RYR2: variants seen among roughly 807,000 people sequenced by gnomAD.
The protein encoded by RYR2 is cardiac muscle ryanodine receptor-calcium release channel.
RYR2 carries 227 observed loss-of-function variants against 601.1 expected under a neutral mutation model. The observed-to-expected ratio is 0.38, with a 90% CI of 0.34 to 0.42. The LOEUF (loss-of-function observed/expected upper bound fraction) is 0.42, where lower values mean the gene tolerates loss of function less well. Ranked by LOEUF, RYR2 falls within the 10% of genes least tolerant of loss-of-function variation. The pLI, the probability that RYR2 is intolerant of heterozygous loss-of-function variation, is 1.00. For missense variants in RYR2, 4,646 were observed against 6,156.5 expected (o/e 0.75, Z 8.21); for synonymous variants, 2,223 against 2,175.1 (o/e 1.02, Z -0.61).
chr1:237,788,259 G>A, intron 92 of RYR2, 124 bp downstream of exon 92: 1 of 685,902 alleles, frequency 1.5e-6, no homozygotes, highest in Non-Finnish European at 2.4e-6. Flanking sequence ...TCCAGCACAT[G>A]TTTGATTTGC....
intron 33 of RYR2, among the ~76,000 whole-genome samples, chr1:237,594,885 G>GGGTTTTTTT (rs1675633754): frequency 1.6e-4 from 13 of 79,048 alleles, no homozygotes; most frequent in Admixed American, 1.6e-3. Flanking sequence ...AATATCACTG[G>GGGTTTTTTT]GTTTTTTTTT....
intron 1 of RYR2, among the ~76,000 whole-genome samples, chr1:237,063,213 T>A (rs1663102096): frequency 6.6e-6 from 1 of 152,234 alleles, no homozygotes; most frequent in African/African-American, 2.4e-5. Flanking sequence ...AACCTGGCCA[T>A]GCTGGCTCTC....
chr1:237,212,292 C>A (rs1371431411), intron 1 of RYR2, among the ~76,000 whole-genome samples: 10 of 152,154 alleles, frequency 6.6e-5, no homozygotes, highest in Admixed American at 6.5e-4. Context: ...TGGATATTAG[C>A]AAATCCAGTT....
At chr1:237,700,051 G>A (rs1687828158) in intron 64 of RYR2, among the ~76,000 whole-genome samples, 178 bp from the exon 65 acceptor site, 1 of 152,206 alleles carries the variant, frequency 6.6e-6, no homozygotes. Flanking sequence ...ATAATTTACA[G>A]AGCAGTATTG....
intron 104 of RYR2, 22 bp downstream of exon 104, chr1:237,831,587 ATCT>A (rs1663798113): frequency 7.1e-7 from 1 of 1,399,890 alleles, no homozygotes; most frequent in Admixed American, 1.8e-5. Flanking sequence ...ATTACATGTC[ATCT>A]TCTGAAAGAA....
intron 1 of RYR2, among the ~76,000 whole-genome samples, chr1:237,120,529 C>G (rs576964656): frequency 4.1e-4 from 62 of 152,280 alleles, no homozygotes; most frequent in African/African-American, 1.4e-3. Flanking sequence ...TGTGCAGAGT[C>G]AAGATGGGTA....
intron 25 of RYR2, 70 bp downstream of exon 25, chr1:237,530,580 G>T (rs1668045692): frequency 8.7e-7 from 1 of 1,154,200 alleles, no homozygotes; most frequent in South Asian, 1.3e-5. Context: ...AACTCTTGAT[G>T]GACACACAGA....
rs755712032 is a variant in RYR2, at chr1:237,610,756, C to T, written c.4684-6C>T. On this transcript the variant is annotated splice_region_variant and splice_polypyrimidine_tract_variant and intron_variant, in intron 35 of 104. Transcript: ENST00000366574. The surrounding 1 kb of genome is among the most constrained non-coding windows in gnomAD (Gnocchi z 4.9). Reference sequence around the variant, plus strand: ...TTTATTCTTTTTCTGCCTCCCCATCCGCTAGAATGTGATGCCTCTCTCGGC... The same window carrying T: ...TTTATTCTTTTTCTGCCTCCCCATCTGCTAGAATGTGATGCCTCTCTCGGC... 2.8e-5 allele frequency: 44 copies of T among 1,590,104 alleles called. No individual in the cohort carries two copies. The highest frequency in any genetic ancestry group is 3.3e-5 in the Non-Finnish European group (38 of 1,167,410).
intron 1 of RYR2, among the ~76,000 whole-genome samples, chr1:237,066,101 C>T (rs1427372926): frequency 1.3e-5 from 2 of 152,198 alleles, no homozygotes; most frequent in Non-Finnish European, 2.9e-5. Flanking sequence ...TTGAATGATA[C>T]AATAGGTGAC....
At chr1:237,249,538 G>A (rs1687244241) in intron 1 of RYR2, among the ~76,000 whole-genome samples, 1 of 152,184 alleles carries the variant, frequency 6.6e-6, no homozygotes, top group South Asian at 2.1e-4. Context: ...TAGTTAAGGA[G>A]CAAGTGTAGA....
chr1:237,553,147 A>G (rs1670568620), intron 27 of RYR2, among the ~76,000 whole-genome samples: 1 of 152,032 alleles, frequency 6.6e-6, no homozygotes, highest in South Asian at 2.1e-4. Context: ...ATCTTTGCCT[A>G]TGCAAAAACA....
At chr1:237,613,505 T>C in intron 36 of RYR2, among the ~76,000 whole-genome samples, 1 of 152,200 alleles carries the variant, frequency 6.6e-6, no homozygotes, top group East Asian at 1.9e-4. Context: ...GTCTCACCAT[T>C]GCCCAGTCTG....
At chr1:237,111,251 C>T (rs1361172875) in intron 1 of RYR2, among the ~76,000 whole-genome samples, 1 of 152,200 alleles carries the variant, frequency 6.6e-6, no homozygotes, top group Non-Finnish European at 1.5e-5. Context: ...ACATTTTGCT[C>T]TTCTTTCCCT....
intron 100 of RYR2, among the ~76,000 whole-genome samples, chr1:237,814,949 T>A (rs574043767): frequency 4.2e-5 from 6 of 144,330 alleles, no homozygotes; most frequent in Non-Finnish European, 9.0e-5. Context: ...AATAATCTGC[T>A]CCTTTTTTCT....
intron 42 of RYR2, among the ~76,000 whole-genome samples, chr1:237,632,417 C>T (rs974829614): frequency 1.7e-4 from 22 of 130,334 alleles, no homozygotes; most frequent in Admixed American, 1.1e-3. Context: ...TTTTTTGAGA[C>T]GGAGTCTCAG....
intron 98 of RYR2, among the ~76,000 whole-genome samples, chr1:237,803,594 C>G (rs1310652194): frequency 1.3e-5 from 2 of 152,188 alleles, no homozygotes; most frequent in Admixed American, 1.3e-4. Flanking sequence ...GCCACCACGC[C>G]CAGTCTTGCA....
chr1:237,342,075 C>G (rs187632561), intron 3 of RYR2, among the ~76,000 whole-genome samples: 36 of 152,156 alleles, frequency 2.4e-4, no homozygotes, highest in Non-Finnish European at 4.3e-4. Context: ...AAATAATATG[C>G]ACGCATACAA....
chr1:237,791,865 T>G, intron 93 of RYR2: 1 of 582,136 alleles, frequency 1.7e-6, no homozygotes, highest in Non-Finnish European at 3.0e-6. Flanking sequence ...ATCTAATTTT[T>G]TAGCATGCAT....
rs1694326127 is a variant in RYR2, at chr1:237,772,199, T to C, written c.11646+99T>C. Reference sequence around the variant, plus strand: ...GTTTTGGTTTATAACTAGAAAGGAGTTTTTGAGATAGTTTATCTCTGATCA... The same window carrying C: ...GTTTTGGTTTATAACTAGAAAGGAGCTTTTGAGATAGTTTATCTCTGATCA... On this transcript the variant is annotated intron_variant, in intron 86 of 104. Transcript: ENST00000366574. 6.3e-6 allele frequency: 4 copies of C among 634,180 alleles called. No homozygotes were observed. The South Asian group carries it at 8.3e-5, about 13-fold the overall frequency. The allele number at this position is 634,180 out of a possible 1,614,324, so 39.3% of individuals were successfully genotyped here. A position where few individuals can be genotyped will look rare whatever the true frequency, so the allele number is the denominator to read the frequency against.
Sources: gnomAD v4.1 joint callset for allele counts (sites outside exome capture counted in the v4.1 genomes callset) on GRCh38, gnomAD v4.1.1 for gene constraint, Gnocchi (gnomAD v3.1) non-coding constraint, MANE v1.5 for transcripts, NCBI Gene and HGNC (gene_info 2026-07-23, HGNC 2026-07-21) for gene names.